ACOT7: variants seen among roughly 807,000 people sequenced by gnomAD.
The protein encoded by ACOT7 is acyl-CoA thioesterase 7, also known as cytosolic acyl coenzyme A thioester hydrolase.
ACOT7 carries 12 observed loss-of-function variants against 40.2 expected under a neutral mutation model. That is an observed-to-expected ratio of 0.30 (90% CI 0.19 to 0.48). The LOEUF (loss-of-function observed/expected upper bound fraction) is 0.48. ACOT7 is among the 20% of genes least tolerant of loss of function. The pLI is 0.99. For missense variants in ACOT7, 395 were observed against 530.8 expected, an observed-to-expected ratio of 0.74 and a Z score of 2.51; for synonymous variants, 228 against 219.5, an observed-to-expected ratio of 1.04 and a Z score of -0.34.
At chr1:6,291,633 C>A (rs1470510781) in intron 7 of ACOT7, among the ~76,000 whole-genome samples, 1 of 152,228 alleles carries the variant, frequency 6.6e-6, no homozygotes, top group African/African-American at 2.4e-5. Flanking sequence ...GCTCTTGACA[C>A]CGACTGGGAT....
intron 1 of ACOT7, among the ~76,000 whole-genome samples, chr1:6,383,710 T>G (rs996127316): frequency 6.6e-6 from 1 of 151,034 alleles, no homozygotes; most frequent in South Asian, 2.1e-4. Flanking sequence ...TCTGGCTAAT[T>G]TTTTTTTCTT....
intron 1 of ACOT7, among the ~76,000 whole-genome samples, chr1:6,378,121 C>CTGG (rs1276326576): frequency 6.6e-6 from 1 of 151,884 alleles, no homozygotes. Context: ...AAGGCCAAAG[C>CTGG]ATCCACTCGC....
rs1021626189 is a variant in ACOT7 at position 6,334,770 on chromosome 1, A to C, written c.419-1202T>G. Among the ~76,000 whole-genome samples the C allele has an allele frequency of 2.2e-4, 34 of 152,182 alleles. 1 individual carries two copies. The highest frequency in any genetic ancestry group is 1.5e-4 in the Non-Finnish European group (10 of 68,034). The stretch of plus-strand genomic sequence containing the variant: ...TAGAGATCCCTGGTGTACACCCCTC[A>C]CTTGTACAGAAGGAGTCTGAGGCCC... On this transcript the variant is annotated intron_variant, in intron 3 of 8. Coordinates refer to ENST00000361521, the MANE Select transcript of ACOT7 (RefSeq NM_007274.4).
rs992548748 is a variant in ACOT7 at position 6,311,510 on chromosome 1, C to T, written c.712+6982G>A. ...GGGCAGGGCTGGAGCTGCCGCTGTC[C>T]GCAAGGTTCAATCTGCCCCTCAAGG... is the stretch of plus-strand genomic sequence containing the variant. On this transcript the variant is annotated intron_variant, in intron 6 of 8. Coordinates refer to ENST00000361521, the MANE Select transcript of ACOT7 (RefSeq NM_007274.4). The surrounding 1 kb of genome is among the most constrained non-coding windows in gnomAD (Gnocchi z 5.2). 6.6e-6 allele frequency among the ~76,000 whole-genome samples: 1 copy of T among 152,202 alleles called. No individual in the cohort carries two copies. Among genetic ancestry groups the T allele is most frequent in the Admixed American group, 6.5e-5 (1 of 15,276 alleles).
In ACOT7 at chr1:6,275,177, C is replaced by G. The variant is rs1381799226; in HGVS notation, c.1014+5925G>C. On this transcript the variant is annotated intron_variant, in intron 8 of 8. Coordinates refer to ENST00000361521, the MANE Select transcript of ACOT7 (RefSeq NM_007274.4). The surrounding 1 kb of genome is among the most constrained non-coding windows in gnomAD (Gnocchi z 5.6). ...ACCACCCAAGAGGAAGCCTCCCCTG[C>G]CCCTCCAGTCCCTTGCCCACCCAGG... Among the ~76,000 whole-genome samples the G allele has an allele frequency of 6.6e-6, 1 of 152,216 alleles. No individual in the cohort carries two copies. Among genetic ancestry groups the G allele is most frequent in the Non-Finnish European group, 1.5e-5 (1 of 68,034 alleles).
chr1:6,337,380 T>C (rs1023652227), intron 3 of ACOT7, among the ~76,000 whole-genome samples: 1 of 152,224 alleles, frequency 6.6e-6, no homozygotes, highest in East Asian at 1.9e-4. Flanking sequence ...ATATGTCAGA[T>C]TGTGTCGTCC....
intron 1 of ACOT7, chr1:6,385,733 G>C (rs1642427352): frequency 1.3e-6 from 2 of 1,545,226 alleles, no homozygotes; most frequent in Non-Finnish European, 1.7e-6. Flanking sequence ...CCAAGCCTGT[G>C]TCTGCCTGGC....
chr1:6,274,043 G>A lies in ACOT7; in HGVS notation c.1014+7059C>T, dbSNP rs1016547517. ...CAGGAATGGCCACCTCTGCTCCTGA[G>A]GCTTCTTCGAGAGGAACGGGGCCCA... On this transcript the variant is annotated intron_variant, in intron 8 of 8. Coordinates refer to ENST00000361521, the MANE Select transcript of ACOT7 (RefSeq NM_007274.4). The surrounding 1 kb of genome is among the most constrained non-coding windows in gnomAD (Gnocchi z 5.9). 6.6e-6 allele frequency among the ~76,000 whole-genome samples: 1 copy of A among 152,180 alleles called. No individual in the cohort carries two copies. Among genetic ancestry groups the A allele is most frequent in the Non-Finnish European group, 1.5e-5 (1 of 68,024 alleles).
At chr1:6,340,413 G>A (rs1446171112) in intron 2 of ACOT7, among the ~76,000 whole-genome samples, 1 of 152,182 alleles carries the variant, frequency 6.6e-6, no homozygotes, top group Non-Finnish European at 1.5e-5. Flanking sequence ...CAATAGGCAT[G>A]CATTATTTGC....
intron 5 of ACOT7, among the ~76,000 whole-genome samples, chr1:6,326,845 T>C (rs1463813104): frequency 2.0e-5 from 3 of 149,092 alleles, no homozygotes; most frequent in African/African-American, 7.5e-5. Flanking sequence ...GGCAGGAGAA[T>C]CACTTGAACC....
chr1:6,276,697 A>G (rs1639201895), intron 8 of ACOT7, among the ~76,000 whole-genome samples: 1 of 152,092 alleles, frequency 6.6e-6, no homozygotes, highest in Non-Finnish European at 1.5e-5. Context: ...CTCCCAGCCC[A>G]GAACTCGTGC....
chr1:6,290,654 G>A (rs1195006791), intron 7 of ACOT7, among the ~76,000 whole-genome samples: 1 of 152,206 alleles, frequency 6.6e-6, no homozygotes, highest in Non-Finnish European at 1.5e-5. Context: ...CGGTCTATGC[G>A]ACTATTTCTT....
intron 2 of ACOT7, among the ~76,000 whole-genome samples, chr1:6,342,960 G>A (rs4908881): frequency 0.078 from 11,882 of 152,270 alleles, 494 homozygotes; most frequent in Non-Finnish European, 0.091. Context: ...GAGCCATGGG[G>A]AATGTGAGTC....
chr1:6,371,099 G>T (rs750671111), intron 1 of ACOT7, among the ~76,000 whole-genome samples: 17 of 152,050 alleles, frequency 1.1e-4, no homozygotes, highest in Non-Finnish European at 2.1e-4. Flanking sequence ...GTGAGCCACC[G>T]CACCCGGCCT....
intron 7 of ACOT7, among the ~76,000 whole-genome samples, chr1:6,287,937 A>G (rs760986210): frequency 1.3e-5 from 2 of 152,146 alleles, no homozygotes; most frequent in Non-Finnish European, 2.9e-5. Flanking sequence ...TTTCACCCTA[A>G]TAGTGGAGAT....
chr1:6,354,618 G>A (rs1641687464), intron 1 of ACOT7, among the ~76,000 whole-genome samples: 1 of 151,404 alleles, frequency 6.6e-6, no homozygotes, highest in East Asian at 2.0e-4. Flanking sequence ...CTCTGCACTG[G>A]CCTCTCACTC....
intron 1 of ACOT7, among the ~76,000 whole-genome samples, chr1:6,374,233 G>A (rs57041484): frequency 0.091 from 13,925 of 152,228 alleles, 942 homozygotes; most frequent in African/African-American, 0.19. Context: ...AGGCGGGAGG[G>A]AGGTGGCCAA....
At chr1:6,389,795 G>T (rs1420626867) in intron 1 of ACOT7, among the ~76,000 whole-genome samples, 1 of 148,704 alleles carries the variant, frequency 6.7e-6, no homozygotes, top group Non-Finnish European at 1.5e-5. Context: ...AAAAAAGAAA[G>T]AAAAAAAAGC....
At chr1:6,328,515 C>G (rs1226341865) in intron 4 of ACOT7, among the ~76,000 whole-genome samples, 1 of 151,944 alleles carries the variant, frequency 6.6e-6, no homozygotes. Flanking sequence ...AACCCCGCCT[C>G]TACTAAAAAT....
Sources: allele counts gnomAD v4.1 joint callset (sites outside exome capture counted in the v4.1 genomes callset), GRCh38; gene constraint gnomAD v4.1.1; non-coding constraint Gnocchi (gnomAD v3.1); transcripts MANE v1.5; gene names NCBI Gene and HGNC (gene_info 2026-07-23, HGNC 2026-07-21).